Variants in DYM observed in about 807,000 individuals in gnomAD.
DYM encodes the protein dymeclin, also known as dyggve-Melchior-Clausen syndrome protein.
Under a neutral mutation model 93.1 loss-of-function variants are expected in DYM, and 78 were observed. The observed-to-expected ratio is 0.84, with a 90% CI of 0.70 to 1.01. The LOEUF is 1.01. Among genes scored for constraint, DYM ranks in the 50% least tolerant of loss-of-function variants. The pLI is 0.00. For missense variants in DYM, 789 were observed against 845.0 expected (o/e 0.93, Z 0.82); for synonymous variants, 321 against 319.7 (o/e 1.00, Z -0.04).
At chr18:49,187,809 C>G (rs78942143) in intron 14 of DYM, among the ~76,000 whole-genome samples, 1 of 152,062 alleles carries the variant, frequency 6.6e-6, no homozygotes, top group Non-Finnish European at 1.5e-5. Flanking sequence ...AGACTATCAC[C>G]TACAGAACCA....
intron 8 of DYM, among the ~76,000 whole-genome samples, chr18:49,323,283 G>C (rs1599419563): frequency 6.6e-6 from 1 of 152,182 alleles, no homozygotes; most frequent in Non-Finnish European, 1.5e-5. Context: ...ACACCACTAA[G>C]CAGAGCTGTG....
chr18:49,408,614 A>G (rs1360624093), intron 2 of DYM, among the ~76,000 whole-genome samples: 1 of 152,178 alleles, frequency 6.6e-6, no homozygotes, highest in Non-Finnish European at 1.5e-5. Flanking sequence ...TTATCTTTAA[A>G]CTCAAATAAG....
rs1342179381 is a variant in DYM, at chr18:49,036,581, T to C, written c.*7474A>G. Among the ~76,000 whole-genome samples the C allele has an allele frequency of 6.6e-6, 1 of 152,188 alleles. No individual in the cohort carries two copies. The highest frequency in any genetic ancestry group is 2.4e-5 in the African/African-American group (1 of 41,438). On this transcript the variant is annotated 3_prime_UTR_variant, in exon 18 of 18. Coordinates refer to ENST00000675505, the MANE Select transcript of DYM (RefSeq NM_001353214.3). The stretch of plus-strand genomic sequence containing the variant: ...ATACATATTTTTGAGACACGGTCTC[T>C]CACTCCATTGCCCAGGCTGGAGTGT...
intron 15 of DYM, among the ~76,000 whole-genome samples, chr18:49,154,811 A>G (rs115251384): frequency 0.011 from 1,690 of 152,348 alleles, 31 homozygotes; most frequent in African/African-American, 0.039. Context: ...AAAGAAGAAT[A>G]TAAAGTAAAA....
intron 15 of DYM, among the ~76,000 whole-genome samples, chr18:49,128,151 AAG>A (rs1193304151): frequency 6.6e-6 from 1 of 152,200 alleles, no homozygotes; most frequent in Admixed American, 6.5e-5. Context: ...AACTCATACA[AAG>A]AGTGTTCTGA....
At chr18:49,387,579 G>T (rs2068758059) in intron 3 of DYM, among the ~76,000 whole-genome samples, 1 of 152,076 alleles carries the variant, frequency 6.6e-6, no homozygotes, top group South Asian at 2.1e-4. Context: ...TCGAATCCGT[G>T]ATCTTTGATG....
chr18:49,193,237 C>A (rs2091143325), intron 14 of DYM, among the ~76,000 whole-genome samples: 2 of 151,740 alleles, frequency 1.3e-5, no homozygotes, highest in South Asian at 2.1e-4. Flanking sequence ...ATCACTGGAA[C>A]AGTGGCTATT....
rs2069276591 is a variant in DYM at position 49,391,711 on chromosome 18, TAAAG to T, written c.141-70_141-67del. The T allele has an allele frequency of 1.2e-5, 16 of 1,312,030 alleles. 1 individual carries two copies. In the South Asian group the frequency reaches 1.7e-4, roughly 14 times the overall value. The allele number at this position is 1,312,030 out of a possible 1,614,324, so 81.3% of individuals were successfully genotyped here. A position where few individuals can be genotyped will look rare whatever the true frequency, so the allele number is the denominator to read the frequency against. On this transcript the variant is annotated intron_variant, in intron 2 of 17. Transcript: ENST00000675505. ...ACTAAATATGTACATGCTAATCAGT[TAAAG>T]AAATATATAAAGATAAGAAAAATAA...
intron 13 of DYM, among the ~76,000 whole-genome samples, chr18:49,246,572 G>A (rs1444953434): frequency 6.6e-6 from 1 of 152,122 alleles, no homozygotes; most frequent in Non-Finnish European, 1.5e-5. Flanking sequence ...GTCTGCTTCT[G>A]CAACAGTGTT....
At position 49,356,416 on chromosome 18, in the gene DYM, C is replaced by T. The variant is rs80297843; in HGVS notation, c.494+6745G>A. Among the ~76,000 whole-genome samples the T allele has an allele frequency of 3.0e-3, 450 of 152,216 alleles. 12 individuals carry two copies. In the East Asian group the frequency reaches 0.071, roughly 24 times the overall value. On this transcript the variant is annotated intron_variant, in intron 6 of 17. Transcript: ENST00000675505. ...ACAATCTTTGATTCTTTGATTCAATCGATGCCTTAAATGCCTAATTCATTC... is the reference window on the plus strand; with the variant it reads ...ACAATCTTTGATTCTTTGATTCAATTGATGCCTTAAATGCCTAATTCATTC...
intron 14 of DYM, among the ~76,000 whole-genome samples, chr18:49,184,405 A>C (rs906773826): frequency 1.3e-4 from 20 of 152,254 alleles, no homozygotes; most frequent in Middle Eastern, 3.4e-3. Context: ...AGAAAGCTCA[A>C]TTCCCTAAGG....
chr18:49,116,190 G>A (rs532274461), intron 16 of DYM: 2 of 152,266 alleles, frequency 1.3e-5, no homozygotes, highest in East Asian at 3.9e-4. Flanking sequence ...TCCAAGTAAT[G>A]ACTCAGCTTA....
At chr18:49,167,037 C>CGT (rs2087990658) in intron 14 of DYM, among the ~76,000 whole-genome samples, 2 of 145,930 alleles carry the variant, frequency 1.4e-5, no homozygotes, top group Admixed American at 6.9e-5. Context: ...TGTGTGTGCG[C>CGT]GCCTGTGTCC....
intron 17 of DYM, among the ~76,000 whole-genome samples, chr18:49,075,508 T>C (rs768854975): frequency 1.3e-5 from 2 of 152,110 alleles, no homozygotes; most frequent in East Asian, 1.9e-4. Context: ...CAAGGAAATG[T>C]AGGGAAAGAA....
At chr18:49,428,253 C>T (rs1216990664) in intron 2 of DYM, among the ~76,000 whole-genome samples, 1 of 151,580 alleles carries the variant, frequency 6.6e-6, no homozygotes, top group East Asian at 1.9e-4. Context: ...GAGTTCAAGA[C>T]CAGCCTGGGT....
At chr18:49,206,000 T>TTTTGTTTTTTTTTTTG (rs1185600929) in intron 14 of DYM, 1 of 169,592 alleles carries the variant, frequency 5.9e-6, no homozygotes, top group African/African-American at 2.5e-5. Context: ...GAGTTTTTTT[T>TTTTGTTTTTTTTTTTG]TTGTTTTTTT....
At chr18:49,180,818 G>A (rs2089856637) in intron 14 of DYM, among the ~76,000 whole-genome samples, 1 of 152,112 alleles carries the variant, frequency 6.6e-6, no homozygotes. Context: ...TGGCAGTTAA[G>A]AGTTGCTGTG....
chr18:49,196,580 T>C (rs976440361), intron 14 of DYM, among the ~76,000 whole-genome samples: 3 of 151,958 alleles, frequency 2.0e-5, no homozygotes, highest in Non-Finnish European at 2.9e-5. Context: ...ATAACAATGT[T>C]TTGGATAAAG....
chr18:49,257,527 C>T (rs2145146997), intron 12 of DYM, among the ~76,000 whole-genome samples: 1 of 152,186 alleles, frequency 6.6e-6, no homozygotes. Flanking sequence ...TCTGCAATAG[C>T]CCCACGGAGG....
Sources: gnomAD v4.1 joint callset for allele counts (sites outside exome capture counted in the v4.1 genomes callset) on GRCh38, gnomAD v4.1.1 for gene constraint, MANE v1.5 for transcripts, NCBI Gene and HGNC (gene_info 2026-07-23, HGNC 2026-07-21) for gene names.